The following CCDC180 variants were observed in gnomAD, a reference collection of about 807,000 sequenced individuals.
The protein encoded by CCDC180 is coiled-coil domain containing 180, also known as coiled-coil domain-containing protein 180.
A neutral mutation model predicts 209.2 loss-of-function variants in CCDC180; 154 were observed. The ratio of observed to expected loss-of-function variants is 0.74; its 90% CI spans 0.65 to 0.84. CCDC180 has a LOEUF of 0.84. Among genes scored for constraint, CCDC180 ranks in the 40% least tolerant of loss-of-function variants. CCDC180 has a pLI of 0.00. For synonymous variants in CCDC180, 778 were observed against 749.1 expected (o/e 1.04, Z -0.63); for missense variants, 1,874 against 1,997.3 (o/e 0.94, Z 1.18).
intron 11 of CCDC180, 52 bp downstream of exon 11, chr9:97,320,257 A>G (rs771856346): frequency 1.7e-5 from 26 of 1,528,940 alleles, no homozygotes; most frequent in African/African-American, 9.6e-5. Context: ...CTGTTTAAGC[A>G]GTTGCTTTGC....
intron 22 of CCDC180, among the ~76,000 whole-genome samples, chr9:97,350,971 T>A (rs894337617): frequency 2.0e-5 from 3 of 152,268 alleles, no homozygotes; most frequent in Non-Finnish European, 4.4e-5. Context: ...ATGTATCATG[T>A]ATCATGTGTC....
At chr9:97,361,489 T>C (rs528997102) in intron 26 of CCDC180, among the ~76,000 whole-genome samples, 1 of 152,306 alleles carries the variant, frequency 6.6e-6, no homozygotes, top group South Asian at 2.1e-4. Flanking sequence ...GGCAGAGACT[T>C]GTGAAGAGCA....
intron 13 of CCDC180, among the ~76,000 whole-genome samples, chr9:97,324,478 G>C (rs1016390329): frequency 6.6e-6 from 1 of 152,226 alleles, no homozygotes; most frequent in Admixed American, 6.5e-5. Context: ...GAATATCTGT[G>C]TGTAGCTCAC....
In CCDC180 at chr9:97,314,908, C is replaced by G; in HGVS notation, c.757C>G (p.Arg253Gly). ...CATAGAGAAAACTTCCTACCTCATG[C>G]GGCCCGAAGTGTACAGGCTGATAAA... ...EVIEKTSYLMRPEVYRLINEE... is the reference protein window; with the variant it reads ...EVIEKTSYLMGPEVYRLINEE... The change falls in exon 8 of 37, where the codon CGG becomes GGG. Residue 253 changes from arginine to glycine, a missense_variant. By Grantham distance (125) the Arg-to-Gly change is moderately radical. Coordinates refer to ENST00000529487, the MANE Select transcript of CCDC180 (RefSeq NM_020893.6). The G allele has an allele frequency of 1.2e-6, 2 of 1,614,010 alleles. No homozygotes were observed. The highest frequency in any genetic ancestry group is 1.1e-5 in the South Asian group (1 of 91,078).
chr9:97,351,600 CAG>C (rs1238356141), intron 22 of CCDC180, among the ~76,000 whole-genome samples: 2 of 152,118 alleles, frequency 1.3e-5, no homozygotes, highest in Non-Finnish European at 2.9e-5. Flanking sequence ...TAATCAAACA[CAG>C]ATTGTATATA....
At chr9:97,354,447 TC>T (rs1485292993) in intron 22 of CCDC180, 121 bp from the exon 23 acceptor site, 7 of 948,946 alleles carry the variant, frequency 7.4e-6, no homozygotes, top group Non-Finnish European at 1.1e-5. Context: ...GTGTTCATTT[TC>T]CCACATCTTG....
In CCDC180 at chr9:97,362,315, G is replaced by A. The variant is rs772657718; in HGVS notation, c.3776G>A (p.Cys1259Tyr). 18 of 1,614,054 alleles carry A rather than the reference G, an allele frequency of 1.1e-5. No individual in the cohort carries two copies. In the African/African-American group the frequency reaches 2.3e-4, roughly 20 times the overall value. Residue 1259 changes from cysteine to tyrosine, a missense_variant, in exon 28 of 37, where the codon TGC (cysteine) becomes TAC (tyrosine). By Grantham distance (194) the Cys-to-Tyr change is radical. Transcript: ENST00000529487. ...SSEAGAGGAV[C>Y]SPPVLCSCPG... ...GAGGCAGGGGCTGGTGGTGCTGTGT[G>A]CTCACCTCCTGTCCTCTGCTCCTGT...
intron 2 of CCDC180, 46 bp from the exon 3 acceptor site, chr9:97,309,368 C>T (rs1832903556): frequency 1.3e-6 from 2 of 1,559,486 alleles, no homozygotes; most frequent in East Asian, 4.7e-5. Flanking sequence ...GCTAGGAAGT[C>T]AGCAGCTCTG....
chr9:97,361,753 G>A lies in CCDC180; in HGVS notation c.3511G>A (p.Asp1171Asn). The A allele has an allele frequency of 6.2e-7, 1 of 1,614,152 alleles. No homozygotes were observed. The highest frequency in any genetic ancestry group is 1.1e-5 in the South Asian group (1 of 91,076). ...CACCATCCTGAAGGACCAGGAGGAA[G>A]ACAGTGACATCCTGACATCTTCAGA... Reference protein sequence around the residue: ...TNTILKDQEEDSDILTSSEAL... With the variant: ...TNTILKDQEENSDILTSSEAL... The change falls in exon 27 of 37, where the codon GAC becomes AAC. Residue 1171 changes from aspartate to asparagine, a missense_variant. Physicochemically the swap from Asp to Asn is conservative, Grantham distance 23 (BLOSUM62 1). Transcript: ENST00000529487.
At chr9:97,353,092 G>T (rs779422426) in intron 22 of CCDC180, among the ~76,000 whole-genome samples, 18 of 152,130 alleles carry the variant, frequency 1.2e-4, no homozygotes, top group Admixed American at 3.9e-4. Flanking sequence ...CACCTCCTGG[G>T]TTCGAGCGAT....
chr9:97,364,000 C>T, intron 28 of CCDC180, 51 bp from the exon 29 acceptor site: 1 of 1,569,636 alleles, frequency 6.4e-7, no homozygotes, highest in Non-Finnish European at 8.8e-7. Context: ...CTCAGACCTG[C>T]CTTGCGTCTG....
In CCDC180 at chr9:97,334,334, G is replaced by A. The variant is rs535643199; in HGVS notation, c.2274+3567G>A. Among the ~76,000 whole-genome samples the A allele has an allele frequency of 3.9e-5, 6 of 152,280 alleles. No homozygotes were observed. The East Asian group carries it at 7.7e-4, about 20-fold the overall frequency. ...TTTGTCATGTGCCTGGCATTTTGTG[G>A]ACTTTACATGGATTACATGATTTAA... On this transcript the variant is annotated intron_variant, in intron 18 of 36. Transcript: ENST00000529487.
At chr9:97,361,380 T>G (rs1033588787) in intron 26 of CCDC180, among the ~76,000 whole-genome samples, 2 of 152,224 alleles carry the variant, frequency 1.3e-5, no homozygotes, top group Non-Finnish European at 2.9e-5. Flanking sequence ...TTTATTGGTA[T>G]AAGTGCAAGT....
At chr9:97,360,164 C>A in intron 26 of CCDC180, 63 bp downstream of exon 26, 2 of 1,585,194 alleles carry the variant, frequency 1.3e-6, no homozygotes, top group South Asian at 2.3e-5. Context: ...TCCCAGGAGA[C>A]CTGCAGGGCT....
chr9:97,364,894 G>A (rs1452435374), intron 29 of CCDC180, among the ~76,000 whole-genome samples: 1 of 152,172 alleles, frequency 6.6e-6, no homozygotes, highest in Non-Finnish European at 1.5e-5. Context: ...GCACTGCCCG[G>A]TACAGGCACT....
Position 97,325,153 on chromosome 9 carries a change from G to T in CCDC180, c.1506G>T (p.Arg502Ser). 6.2e-7 allele frequency: 1 copy of T among 1,609,844 alleles called. No individual in the cohort carries two copies. ...LLVQELELEK[R>S]MEQHRQKHSL... is the part of the protein sequence containing the mutation. ...TGCAGGAGCTGGAGCTGGAGAAGAG[G>T]ATGGAGCAGCACCGGCAGAAGCACA... Residue 502 changes from arginine to serine, a missense_variant, in exon 14 of 37, where the codon AGG becomes AGT. By Grantham distance (110) the Arg-to-Ser change is moderately radical. Coordinates refer to ENST00000529487, the MANE Select transcript of CCDC180 (RefSeq NM_020893.6).
intron 18 of CCDC180, among the ~76,000 whole-genome samples, chr9:97,339,025 A>G (rs1302120368): frequency 6.6e-6 from 1 of 151,780 alleles, no homozygotes; most frequent in African/African-American, 2.4e-5. Context: ...GTCTTCCTCC[A>G]TCCCTTTATT....
Position 97,317,241 on chromosome 9 carries a change from C to A in CCDC180, c.959+13C>A. The A allele has an allele frequency of 6.5e-7, 1 of 1,547,330 alleles. No individual in the cohort carries two copies. The highest frequency in any genetic ancestry group is 8.8e-7 in the Non-Finnish European group (1 of 1,136,478). On this transcript the variant is annotated intron_variant, in intron 9 of 36. Coordinates refer to ENST00000529487, the MANE Select transcript of CCDC180 (RefSeq NM_020893.6). ...TGCAGAGTTTCAGGTCAGTGCCGCC[C>A]ACACAGCTCCTTCTCCAGCCCACCA...
intron 36 of CCDC180, 164 bp from the exon 37 acceptor site, chr9:97,376,599 A>G: frequency 1.5e-6 from 1 of 674,644 alleles, no homozygotes; most frequent in Non-Finnish European, 2.4e-6. Flanking sequence ...AATGGGGAAA[A>G]CAACTAGGAC....
Sources: allele counts gnomAD v4.1 joint callset (sites outside exome capture counted in the v4.1 genomes callset), GRCh38; gene constraint gnomAD v4.1.1; transcripts MANE v1.5; gene names NCBI Gene and HGNC (gene_info 2026-07-23, HGNC 2026-07-21).